The following BRINP3 variants were observed in gnomAD, a reference collection of about 807,000 sequenced individuals.
BRINP3 encodes BMP/retinoic acid inducible neural specific 3.
Under a neutral mutation model 71.0 loss-of-function variants are expected in BRINP3, and 19 were observed. That is an observed-to-expected ratio of 0.27 (90% CI 0.19 to 0.39). The LOEUF is 0.39. Ranked by LOEUF, BRINP3 falls within the 10% of genes least tolerant of loss-of-function variation. BRINP3 has a pLI of 1.00. For missense variants in BRINP3, 959 were observed against 940.8 expected (o/e 1.02, Z -0.25); for synonymous variants, 380 against 337.7 (o/e 1.13, Z -1.37).
intron 6 of BRINP3, among the ~76,000 whole-genome samples, chr1:190,170,373 C>T (rs909265934): frequency 6.6e-6 from 1 of 152,050 alleles, no homozygotes; most frequent in Admixed American, 6.6e-5. Flanking sequence ...CCTAAGACAG[C>T]ATATTACATA....
intron 2 of BRINP3, among the ~76,000 whole-genome samples, chr1:190,418,059 G>A (rs1673123248): frequency 6.6e-6 from 1 of 152,146 alleles, no homozygotes; most frequent in African/African-American, 2.4e-5. Flanking sequence ...ATCTAGTTCT[G>A]AGGTTAAGTA....
intron 7 of BRINP3, among the ~76,000 whole-genome samples, chr1:190,116,356 A>G (rs1571741865): frequency 6.6e-6 from 1 of 152,232 alleles, no homozygotes. Flanking sequence ...GTGGGAATAC[A>G]CATACTTTAG....
intron 6 of BRINP3, among the ~76,000 whole-genome samples, chr1:190,194,166 A>G (rs1243687327): frequency 1.3e-5 from 2 of 152,126 alleles, no homozygotes; most frequent in Non-Finnish European, 2.9e-5. Context: ...ATGGAGAAGT[A>G]CATGCAGAGA....
At chr1:190,163,824 T>A (rs1170045900) in intron 6 of BRINP3, among the ~76,000 whole-genome samples, 1 of 152,088 alleles carries the variant, frequency 6.6e-6, no homozygotes, top group East Asian at 1.9e-4. Context: ...GAAAATCTAG[T>A]TAACACTTGA....
intron 4 of BRINP3, among the ~76,000 whole-genome samples, chr1:190,261,341 T>C (rs1174045827): frequency 1.3e-5 from 2 of 152,120 alleles, no homozygotes; most frequent in Non-Finnish European, 2.9e-5. Context: ...ACAAATAATA[T>C]TGTGAAATAA....
intron 4 of BRINP3, among the ~76,000 whole-genome samples, chr1:190,254,044 T>C (rs1484418987): frequency 6.6e-6 from 1 of 152,180 alleles, no homozygotes; most frequent in East Asian, 1.9e-4. Context: ...CATTTCTTGT[T>C]TTTGTCAGGT....
intron 7 of BRINP3, among the ~76,000 whole-genome samples, chr1:190,151,246 T>G (rs1313434325): frequency 1.3e-5 from 2 of 152,186 alleles, no homozygotes; most frequent in East Asian, 1.9e-4. Flanking sequence ...TGTTTAGAAG[T>G]GATTCAAATA....
intron 7 of BRINP3, among the ~76,000 whole-genome samples, chr1:190,119,958 C>T (rs1047493983): frequency 3.3e-5 from 5 of 152,228 alleles, no homozygotes; most frequent in Admixed American, 1.3e-4. Flanking sequence ...GTTAGCTTAA[C>T]TCTTTTTCAG....
At chr1:190,408,775 T>C (rs1026286960) in intron 2 of BRINP3, among the ~76,000 whole-genome samples, 3 of 152,218 alleles carry the variant, frequency 2.0e-5, no homozygotes, top group Non-Finnish European at 2.9e-5. Context: ...ACATGGGCAT[T>C]GAATAGGCTA....
chr1:190,122,755 A>G (rs138243278), intron 7 of BRINP3, among the ~76,000 whole-genome samples: 1 of 152,304 alleles, frequency 6.6e-6, no homozygotes, highest in South Asian at 2.1e-4. Flanking sequence ...TTTCAGAATT[A>G]TATTTTTCAG....
At chr1:190,384,584 T>C (rs1670762960) in intron 2 of BRINP3, among the ~76,000 whole-genome samples, 1 of 151,896 alleles carries the variant, frequency 6.6e-6, no homozygotes, top group Admixed American at 6.6e-5. Flanking sequence ...ATAAAAATAA[T>C]AGTTCTTACT....
At chr1:190,332,846 T>C (rs1338854729) in intron 2 of BRINP3, among the ~76,000 whole-genome samples, 2 of 151,998 alleles carry the variant, frequency 1.3e-5, no homozygotes, top group African/African-American at 4.8e-5. Context: ...AGAAAGATAC[T>C]TCAGGCTATT....
chr1:190,152,747 C>A (rs1191778649), intron 7 of BRINP3, among the ~76,000 whole-genome samples: 1 of 151,900 alleles, frequency 6.6e-6, no homozygotes, highest in Non-Finnish European at 1.5e-5. Flanking sequence ...AAAGCAAGCA[C>A]AACACTATAT....
chr1:190,130,941 A>T (rs959993068), intron 7 of BRINP3, among the ~76,000 whole-genome samples: 3 of 151,886 alleles, frequency 2.0e-5, no homozygotes, highest in African/African-American at 7.2e-5. Flanking sequence ...CTGCAGCTAA[A>T]GTACAAGTTC....
At position 190,473,561 on chromosome 1, in the gene BRINP3, C is replaced by T. The variant is rs376067739; in HGVS notation, c.-51+3887G>A. Among the ~76,000 whole-genome samples the T allele has an allele frequency of 7.4e-3, 634 of 85,684 alleles. 7 individuals are homozygous for T. The highest frequency in any genetic ancestry group is 0.023 in the African/African-American group (583 of 25,160). The allele number at this position is 85,684 out of a possible 152,430, so 56.2% of individuals were successfully genotyped here. ...TTCTCTTTTTTTTTTTTTTTTGCTTCACTGTGTGGAAAGTCCAGGCTCCTT... is the reference window on the plus strand; with the variant it reads ...TTCTCTTTTTTTTTTTTTTTTGCTTTACTGTGTGGAAAGTCCAGGCTCCTT... On this transcript the variant is annotated intron_variant, in intron 1 of 7. Coordinates refer to ENST00000367462, the MANE Select transcript of BRINP3 (RefSeq NM_199051.3).
intron 2 of BRINP3, among the ~76,000 whole-genome samples, chr1:190,398,547 C>T (rs1301267317): frequency 6.6e-6 from 1 of 151,858 alleles, no homozygotes. Context: ...AGTATAATTT[C>T]TATCATATTA....
chr1:190,169,532 C>A (rs1012992700), intron 6 of BRINP3, among the ~76,000 whole-genome samples: 1 of 152,152 alleles, frequency 6.6e-6, no homozygotes, highest in Admixed American at 6.6e-5. Flanking sequence ...CTTTCTGCTG[C>A]AATCAGATGC....
chr1:190,308,602 C>A (rs1665296278), intron 2 of BRINP3, among the ~76,000 whole-genome samples: 2 of 151,680 alleles, frequency 1.3e-5, no homozygotes, highest in Non-Finnish European at 2.9e-5. Flanking sequence ...TGTAACAAAC[C>A]TGCACATTGT....
At chr1:190,202,320 T>G (rs1305988310) in intron 6 of BRINP3, among the ~76,000 whole-genome samples, 3 of 152,150 alleles carry the variant, frequency 2.0e-5, no homozygotes, top group Admixed American at 2.0e-4. Context: ...ATGGCTGTAT[T>G]TATGCAATAT....
Sources: gnomAD v4.1 joint callset for allele counts (sites outside exome capture counted in the v4.1 genomes callset) on GRCh38, gnomAD v4.1.1 for gene constraint, MANE v1.5 for transcripts, NCBI Gene and HGNC (gene_info 2026-07-23, HGNC 2026-07-21) for gene names.